ZNF143: variants seen among roughly 807,000 people sequenced by gnomAD.
ZNF143 encodes zinc finger protein 143.
In ZNF143, 49 loss-of-function variants were observed where a neutral mutation model predicts 74.1. That is an observed-to-expected ratio of 0.66 (90% CI 0.53 to 0.84). ZNF143 has a LOEUF of 0.84. Among genes scored for constraint, ZNF143 ranks in the 40% least tolerant of loss-of-function variants. The probability of loss-of-function intolerance (pLI) is 0.00; values close to 1 mark genes in which losing one functional copy is unlikely to be tolerated. For synonymous variants in ZNF143, 304 were observed against 282.8 expected (o/e 1.07, Z -0.75); for missense variants, 637 against 793.4 (o/e 0.80, Z 2.37).
At chr11:9,468,190 C>T (rs1223331219) in intron 1 of ZNF143, among the ~76,000 whole-genome samples, 1 of 152,186 alleles carries the variant, frequency 6.6e-6, no homozygotes, top group Non-Finnish European at 1.5e-5. Flanking sequence ...CTTATTAAAC[C>T]ATGTCCATTA....
chr11:9,515,994 T>C (rs938160925), intron 13 of ZNF143, among the ~76,000 whole-genome samples: 2 of 151,606 alleles, frequency 1.3e-5, no homozygotes, highest in African/African-American at 4.9e-5. Context: ...CCAAAAATAA[T>C]AATAATAAAA....
intron 7 of ZNF143, among the ~76,000 whole-genome samples, chr11:9,482,720 T>G (rs902367623): frequency 1.3e-5 from 2 of 150,820 alleles, no homozygotes; most frequent in Non-Finnish European, 2.9e-5. Context: ...CCTTACAGAC[T>G]AGATCTGCAA....
At chr11:9,471,179 A>G (rs1414572398) in intron 1 of ZNF143, 123 bp from the exon 2 acceptor site, 8 of 765,994 alleles carry the variant, frequency 1.0e-5, no homozygotes, top group African/African-American at 1.8e-5. Context: ...ATTGAGTGAA[A>G]TTTCATCTTA....
intron 14 of ZNF143, 72 bp from the exon 15 acceptor site, chr11:9,525,168 T>C: frequency 6.4e-7 from 1 of 1,556,260 alleles, no homozygotes. Flanking sequence ...TCCATTGTAT[T>C]AAGTGGACTT....
chr11:9,483,437 C>T (rs1013146583), intron 7 of ZNF143, among the ~76,000 whole-genome samples: 2 of 149,746 alleles, frequency 1.3e-5, no homozygotes, highest in African/African-American at 5.0e-5. Context: ...GCTGAGACTG[C>T]AGGCACATGC....
At chr11:9,522,253 C>T (rs1848958498) in intron 14 of ZNF143, among the ~76,000 whole-genome samples, 1 of 152,130 alleles carries the variant, frequency 6.6e-6, no homozygotes, top group Non-Finnish European at 1.5e-5. Flanking sequence ...CCTGTAATCT[C>T]AGCACTTTGG....
intron 11 of ZNF143, among the ~76,000 whole-genome samples, chr11:9,502,425 A>G (rs1848200055): frequency 6.6e-6 from 1 of 150,996 alleles, no homozygotes; most frequent in African/African-American, 2.4e-5. Context: ...CTTGGCTAAC[A>G]TGGTGAAACC....
In ZNF143 at chr11:9,472,772, A is replaced by G; in HGVS notation, c.205+3A>G. The G allele has an allele frequency of 6.4e-7, 1 of 1,564,262 alleles. No individual in the cohort carries two copies. Among genetic ancestry groups the G allele is most frequent in the Non-Finnish European group, 8.6e-7 (1 of 1,159,404 alleles). ...TTACATACAACACAATTCTAAAGGT[A>G]TGTGCCTCACATATGGCTGATTGGT... On this transcript the variant is annotated splice_donor_region_variant and intron_variant, in intron 3 of 15. Transcript: ENST00000396602.
At position 9,508,701 on chromosome 11, in the gene ZNF143, C is replaced by T; in HGVS notation, c.1230C>T (p.Val410=). 1 of 1,614,034 alleles carries T rather than the reference C, an allele frequency of 6.2e-7. No homozygotes were observed. Among genetic ancestry groups the T allele is most frequent in the Non-Finnish European group, 8.5e-7 (1 of 1,180,008 alleles). ...EYSSLYKHHV[V]HTHSKPYNCN... ...CCAGTTTGTACAAACATCATGTTGTCCACACTCATTCCAAACCTTACAACT... is the reference window on the plus strand; with the variant it reads ...CCAGTTTGTACAAACATCATGTTGTTCACACTCATTCCAAACCTTACAACT... The change falls in exon 12 of 16, where the codon GTC becomes GTT. Residue 410 remains valine, a synonymous_variant. Transcript: ENST00000396602.
chr11:9,461,017 T>C lies in ZNF143; in HGVS notation c.-67T>C, dbSNP rs1298156494. 6 of 986,060 alleles carry C rather than the reference T, an allele frequency of 6.1e-6. No individual in the cohort carries two copies. The highest frequency in any genetic ancestry group is 7.2e-6 in the Non-Finnish European group (6 of 830,186). The allele number at this position is 986,060 out of a possible 1,614,324, so 61.1% of individuals were successfully genotyped here. A position where few individuals can be genotyped will look rare whatever the true frequency, so the allele number is the denominator to read the frequency against. ...TTGCGGGGCCTGGGGGCCGGACGGCTGTTTCCTGTCCTGGTGCATGGTGGT... is the reference window on the plus strand; with the variant it reads ...TTGCGGGGCCTGGGGGCCGGACGGCCGTTTCCTGTCCTGGTGCATGGTGGT... On this transcript the variant is annotated 5_prime_UTR_variant, in exon 1 of 16. Transcript: ENST00000396602.
At chr11:9,505,122 T>TGTC (rs1347925437) in intron 11 of ZNF143, among the ~76,000 whole-genome samples, 2 of 120,816 alleles carry the variant, frequency 1.7e-5, no homozygotes, top group African/African-American at 2.6e-5. Flanking sequence ...TACAGGCGCA[T>TGTC]ACCACCATGC....
chr11:9,467,161 G>T (rs894144902), intron 1 of ZNF143, among the ~76,000 whole-genome samples: 2 of 151,994 alleles, frequency 1.3e-5, no homozygotes, highest in South Asian at 2.1e-4. Flanking sequence ...CAAAGTGCTG[G>T]GATTACAGGA....
At chr11:9,466,042 G>T (rs1050951260) in intron 1 of ZNF143, among the ~76,000 whole-genome samples, 15 of 150,578 alleles carry the variant, frequency 1.0e-4, no homozygotes, top group African/African-American at 3.7e-4. Context: ...GAGTGCAGTG[G>T]CTAGATCTCG....
intron 7 of ZNF143, among the ~76,000 whole-genome samples, chr11:9,484,605 GTT>G (rs35344229): frequency 1.8e-4 from 24 of 135,500 alleles, no homozygotes; most frequent in African/African-American, 4.2e-4. Flanking sequence ...AAAGTTTGGT[GTT>G]TTTTTTTTTT....
chr11:9,462,156 G>C (rs1158016022), intron 1 of ZNF143: 1 of 151,616 alleles, frequency 6.6e-6, no homozygotes, highest in Non-Finnish European at 1.5e-5. Context: ...AGCTAATTTT[G>C]TCCTGGCGTA....
At chr11:9,479,335 A>G in intron 6 of ZNF143, 137 bp from the exon 7 acceptor site, 1 of 527,142 alleles carries the variant, frequency 1.9e-6, no homozygotes, top group South Asian at 2.7e-5. Flanking sequence ...ATACACAAAA[A>G]TAAATGATAA....
At chr11:9,497,641 G>A (rs753114189) in intron 9 of ZNF143, 34 bp from the exon 10 acceptor site, 3 of 1,521,092 alleles carry the variant, frequency 2.0e-6, no homozygotes, top group Non-Finnish European at 2.7e-6. Flanking sequence ...GAGCAGTATT[G>A]TGTAATTAAA....
At position 9,486,361 on chromosome 11, in the gene ZNF143, T is replaced by TA. The variant is rs1847482807; in HGVS notation, c.645+6816dup. 1.2e-3 allele frequency among the ~76,000 whole-genome samples: 60 copies of TA among 51,714 alleles called. 1 individual carries two copies. The highest frequency in any genetic ancestry group is 1.6e-3 in the Non-Finnish European group (43 of 26,940). 33.9% of individuals were successfully genotyped at this position (51,714 alleles called of 152,430 possible). A position where few individuals can be genotyped will look rare whatever the true frequency, so the allele number is the denominator to read the frequency against. On this transcript the variant is annotated intron_variant, in intron 7 of 15. Coordinates refer to ENST00000396602, the MANE Select transcript of ZNF143 (RefSeq NM_003442.6). ...TTATATTATATATATATTATATATA[T>TA]ATTATATATAATATATTATATATAT...
intron 1 of ZNF143, among the ~76,000 whole-genome samples, chr11:9,467,706 G>T (rs1163008913): frequency 6.6e-6 from 1 of 151,998 alleles, no homozygotes; most frequent in Non-Finnish European, 1.5e-5. Flanking sequence ...AATTACCTGG[G>T]CATGGTGGTG....
Sources: gnomAD v4.1 joint callset for allele counts (sites outside exome capture counted in the v4.1 genomes callset) on GRCh38, gnomAD v4.1.1 for gene constraint, MANE v1.5 for transcripts, NCBI Gene and HGNC (gene_info 2026-07-23, HGNC 2026-07-21) for gene names.